Variants in ARAP2 observed in about 807,000 individuals in gnomAD.
ARAP2 encodes the protein arf-GAP with Rho-GAP domain, ANK repeat and PH domain-containing protein 2.
In ARAP2, 148 loss-of-function variants were observed where a neutral mutation model predicts 194.5. The observed-to-expected ratio is 0.76, with a 90% confidence interval of 0.67 to 0.87. The LOEUF is 0.87. Ranked by LOEUF, ARAP2 falls within the 40% of genes least tolerant of loss-of-function variation. The pLI is 0.00. For missense variants in ARAP2, 2,128 were observed against 1,989.7 expected (o/e 1.07, Z -1.32); for synonymous variants, 695 against 683.5 (o/e 1.02, Z -0.26).
chr4:36,143,544 G>T (rs796818624), intron 19 of ARAP2, among the ~76,000 whole-genome samples: 4 of 151,824 alleles, frequency 2.6e-5, no homozygotes, highest in African/African-American at 9.6e-5. Flanking sequence ...ATAGGCAAAA[G>T]AAGGCTGTTT....
chr4:36,057,128 A>G (rs59536124), intron 2 of ARAP2, among the ~76,000 whole-genome samples: 5,833 of 151,700 alleles, frequency 0.038, 373 homozygotes, highest in African/African-American at 0.13. Flanking sequence ...ATCTCTTTCA[A>G]GGAATATTTT....
intron 19 of ARAP2, among the ~76,000 whole-genome samples, chr4:36,142,812 C>A (rs1728663684): frequency 6.6e-6 from 1 of 151,710 alleles, no homozygotes; most frequent in South Asian, 2.1e-4. Flanking sequence ...CACAGAATCA[C>A]CCTAAGTAAT....
chr4:36,014,149 C>T (rs1010982502), intron 8 of ARAP2, among the ~76,000 whole-genome samples: 3 of 150,666 alleles, frequency 2.0e-5, no homozygotes, highest in East Asian at 2.0e-4. Flanking sequence ...GATCTTGAGC[C>T]GAGGGAGGTT....
At chr4:36,093,874 T>C (rs1265167330) in intron 27 of ARAP2, among the ~76,000 whole-genome samples, 3 of 152,296 alleles carry the variant, frequency 2.0e-5, no homozygotes, top group African/African-American at 7.2e-5. Context: ...AGATATTTGG[T>C]AAAACCCCAA....
chr4:36,074,253 T>C (rs558228383), intron 31 of ARAP2, among the ~76,000 whole-genome samples: 2 of 152,254 alleles, frequency 1.3e-5, no homozygotes, highest in East Asian at 1.9e-4. Context: ...GGCATGACTA[T>C]CAGAAAAATT....
At chr4:36,188,446 T>A (rs1035276216) in intron 7 of ARAP2, among the ~76,000 whole-genome samples, 6 of 152,132 alleles carry the variant, frequency 3.9e-5, no homozygotes, top group Admixed American at 3.9e-4. Flanking sequence ...GGCTGTGAGG[T>A]ATACCTTTAC....
intron 2 of ARAP2, among the ~76,000 whole-genome samples, chr4:36,223,879 A>T (rs979689534): frequency 6.6e-6 from 1 of 152,156 alleles, no homozygotes; most frequent in Non-Finnish European, 1.5e-5. Flanking sequence ...AAAAATTTCT[A>T]TTGGTTAAAC....
intron 2 of ARAP2, among the ~76,000 whole-genome samples, chr4:36,217,543 T>C (rs1748206511): frequency 6.6e-6 from 1 of 151,730 alleles, no homozygotes; most frequent in African/African-American, 2.4e-5. Flanking sequence ...ATAAATAAAA[T>C]ACAAAATACA....
rs1431127399 is a variant in ARAP2 at position 36,066,357 on chromosome 4, G to C, written c.*1550C>G. The C allele has an allele frequency of 6.6e-6, 1 of 152,064 alleles. No individual in the cohort carries two copies. Among genetic ancestry groups the C allele is most frequent in the African/African-American group, 2.4e-5 (1 of 41,404 alleles). The allele number at this position is 152,064 out of a possible 1,614,324, so 9.4% of individuals were successfully genotyped here. On this transcript the variant is annotated 3_prime_UTR_variant, in exon 33 of 33. Coordinates refer to ENST00000303965, the MANE Select transcript of ARAP2 (RefSeq NM_015230.4). ...TGCCACCTATTTCATAAACTGTCCT[G>C]CAGTTTTGTGCTTTTTAAAAATTCT...
chr4:36,095,571 G>A (rs1439108657), intron 27 of ARAP2, among the ~76,000 whole-genome samples: 1 of 152,132 alleles, frequency 6.6e-6, no homozygotes, highest in Non-Finnish European at 1.5e-5. Context: ...AAAAGGCTCT[G>A]TGTGCATAAA....
intron 16 of ARAP2, among the ~76,000 whole-genome samples, chr4:36,149,912 T>G (rs1578078227): frequency 1.3e-5 from 2 of 152,280 alleles, no homozygotes; most frequent in East Asian, 3.9e-4. Context: ...AAAATCTTAT[T>G]TAAAATCTAT....
chr4:36,064,159 A>G (rs1724953773), downstream of ARAP2, among the ~76,000 whole-genome samples: 1 of 151,814 alleles, frequency 6.6e-6, no homozygotes, highest in Non-Finnish European at 1.5e-5. Context: ...TAAAATTGAG[A>G]GTGCCTTTGA....
Position 36,167,021 on chromosome 4 carries a change from G to A in ARAP2, c.1884C>T (p.Thr628=). 6.3e-7 allele frequency: 1 copy of A among 1,594,180 alleles called. No homozygotes were observed. Among genetic ancestry groups the A allele is most frequent in the South Asian group, 1.1e-5 (1 of 87,284 alleles). The change falls in exon 10 of 33, where the codon ACC becomes ACT. Residue 628 remains threonine (T), a synonymous_variant. Transcript: ENST00000303965. ...CATTTGCTACATTCATAGGAATTAT[G>A]GTAATACCAAGTCCACTCTTAAAAT... is the stretch of plus-strand genomic sequence containing the variant. ...EQDFKSGLGI[T]IIPMNVANVK...
chr4:36,131,922 T>A (rs1454934466), intron 20 of ARAP2, among the ~76,000 whole-genome samples: 1 of 151,760 alleles, frequency 6.6e-6, no homozygotes, highest in East Asian at 1.9e-4. Context: ...CAGGAAACTT[T>A]TATAGTAATG....
chr4:36,080,521 C>T (rs150564470), intron 30 of ARAP2, among the ~76,000 whole-genome samples: 2 of 152,302 alleles, frequency 1.3e-5, no homozygotes, highest in Non-Finnish European at 2.9e-5. Context: ...TTGGTAAGTG[C>T]TGCAAAATGA....
chr4:36,187,442 T>A lies in ARAP2; in HGVS notation c.1678+9A>T. 1 of 1,370,176 alleles carries A rather than the reference T, an allele frequency of 7.3e-7. No homozygotes were observed. The highest frequency in any genetic ancestry group is 1.5e-5 in the South Asian group (1 of 64,734). 84.9% of individuals were successfully genotyped at this position (1,370,176 alleles called of 1,614,324 possible). On this transcript the variant is annotated intron_variant, in intron 8 of 32. Transcript: ENST00000303965. ...AATGTATTTCATATGGATAAATAAA[T>A]AATCTCACCTTCTTTTTCTACTCTA...
rs570274970 is a variant in ARAP2 at position 36,213,436 on chromosome 4, C to T, written c.965-117G>A. On this transcript the variant is annotated intron_variant, in intron 3 of 32. Transcript: ENST00000303965. Reference sequence around the variant, plus strand: ...GCATTATCACAACGTAAGCTTTATTCTGTAAGAGTCCAAATTATGCTAATT... The same window carrying T: ...GCATTATCACAACGTAAGCTTTATTTTGTAAGAGTCCAAATTATGCTAATT... 15 of 683,324 alleles carry T rather than the reference C, an allele frequency of 2.2e-5. No homozygotes were observed. In the African/African-American group the frequency reaches 2.6e-4, roughly 12 times the overall value. The allele number at this position is 683,324 out of a possible 1,614,324, so 42.3% of individuals were successfully genotyped here.
chr4:36,128,371 G>A (rs907866027), intron 21 of ARAP2, among the ~76,000 whole-genome samples, 162 bp downstream of exon 21: 16 of 151,634 alleles, frequency 1.1e-4, no homozygotes, highest in Non-Finnish European at 2.4e-4. Flanking sequence ...TATAATTTCT[G>A]TTATCAGCCA....
intron 8 of ARAP2, among the ~76,000 whole-genome samples, chr4:36,185,268 G>C (rs1039947236): frequency 2.0e-5 from 3 of 152,164 alleles, no homozygotes; most frequent in Non-Finnish European, 4.4e-5. Context: ...TAAATACTAA[G>C]AAACTTTTTT....
Sources: gnomAD v4.1 joint callset for allele counts (sites outside exome capture counted in the v4.1 genomes callset) on GRCh38, gnomAD v4.1.1 for gene constraint, MANE v1.5 for transcripts, NCBI Gene and HGNC (gene_info 2026-07-23, HGNC 2026-07-21) for gene names.